The following SESTD1 variants were observed in gnomAD, a reference collection of about 807,000 sequenced individuals.
SESTD1 encodes SEC14 and spectrin domain containing 1, also known as SEC14 domain and spectrin repeat-containing protein 1.
SESTD1 carries 43 observed loss-of-function variants against 101.7 expected under a neutral mutation model. The observed-to-expected ratio is 0.42, with a 90% CI of 0.33 to 0.55. The LOEUF (loss-of-function observed/expected upper bound fraction) is 0.55. Among genes scored for constraint, SESTD1 ranks in the 20% least tolerant of loss-of-function variants. SESTD1 has a pLI of 0.07. For missense variants in SESTD1, 647 were observed against 815.1 expected (o/e 0.79, Z 2.51); for synonymous variants, 283 against 286.8 (o/e 0.99, Z 0.13).
chr2:179,186,102 T>C (rs960637294), intron 2 of SESTD1, among the ~76,000 whole-genome samples: 1 of 149,128 alleles, frequency 6.7e-6, no homozygotes, highest in Non-Finnish European at 1.5e-5. Context: ...TAGGAAAACA[T>C]GTCAATTATA....
intron 1 of SESTD1, among the ~76,000 whole-genome samples, chr2:179,227,011 A>C (rs1380864367): frequency 6.6e-6 from 1 of 152,190 alleles, no homozygotes; most frequent in Admixed American, 6.5e-5. Context: ...CAGAATGTTA[A>C]ATTACATAGT....
chr2:179,135,305 T>A (rs1366871605), intron 9 of SESTD1, among the ~76,000 whole-genome samples: 1 of 152,198 alleles, frequency 6.6e-6, no homozygotes, highest in Non-Finnish European at 1.5e-5. Flanking sequence ...CTTTCCATAT[T>A]TTTTAAAGAT....
intron 1 of SESTD1, among the ~76,000 whole-genome samples, chr2:179,249,965 G>A (rs2047292094): frequency 6.6e-6 from 1 of 150,638 alleles, no homozygotes; most frequent in Non-Finnish European, 1.5e-5. Flanking sequence ...AATGAAAAGT[G>A]AAAAACTGTA....
intron 1 of SESTD1, among the ~76,000 whole-genome samples, chr2:179,261,790 C>G (rs944065897): frequency 6.6e-6 from 1 of 152,058 alleles, no homozygotes; most frequent in African/African-American, 2.4e-5. Flanking sequence ...TAAAACAGTG[C>G]AGCAGCTATG....
intron 5 of SESTD1, among the ~76,000 whole-genome samples, chr2:179,157,272 A>G (rs2045650412): frequency 1.3e-5 from 2 of 152,180 alleles, no homozygotes; most frequent in South Asian, 2.1e-4. Flanking sequence ...AGTAGAATCA[A>G]TATTGTGAAA....
At chr2:179,203,932 T>C (rs966429333) in intron 1 of SESTD1, among the ~76,000 whole-genome samples, 1 of 133,996 alleles carries the variant, frequency 7.5e-6, no homozygotes, top group Non-Finnish European at 1.6e-5. Context: ...ATAAATAAAG[T>C]GAGGACAGTC....
intron 1 of SESTD1, among the ~76,000 whole-genome samples, chr2:179,192,589 A>T (rs559132416): frequency 6.6e-6 from 1 of 152,260 alleles, no homozygotes; most frequent in East Asian, 1.9e-4. Flanking sequence ...TCCAGGGTCT[A>T]CTCAGCCATA....
At chr2:179,151,175 A>G in intron 6 of SESTD1, 103 bp downstream of exon 6, 1 of 768,510 alleles carries the variant, frequency 1.3e-6, no homozygotes, top group Non-Finnish European at 1.9e-6. Context: ...CCATTTTTGT[A>G]AAAAGAAAAA....
chr2:179,232,739 T>C (rs2047005253), intron 1 of SESTD1, among the ~76,000 whole-genome samples: 1 of 152,182 alleles, frequency 6.6e-6, no homozygotes, highest in African/African-American at 2.4e-5. Flanking sequence ...CAGTATATAC[T>C]GTTAAGTCGG....
At chr2:179,229,774 T>TATATATAC (rs1324308376) in intron 1 of SESTD1, among the ~76,000 whole-genome samples, 5 of 115,042 alleles carry the variant, frequency 4.3e-5, no homozygotes, top group African/African-American at 2.0e-4. Context: ...TATATATATA[T>TATATATAC]ACTCAAATAC....
chr2:179,149,405 A>C lies in SESTD1; in HGVS notation c.484-11T>G. 3 of 1,533,138 alleles carry C rather than the reference A, an allele frequency of 2.0e-6. No individual in the cohort carries two copies. Among genetic ancestry groups the C allele is most frequent in the Non-Finnish European group, 2.7e-6 (3 of 1,118,016 alleles). The allele number at this position is 1,533,138 out of a possible 1,614,324, so 95.0% of individuals were successfully genotyped here. On this transcript the variant is annotated splice_polypyrimidine_tract_variant and intron_variant, in intron 6 of 17. Transcript: ENST00000428443. ...AAACTTCTCAAAAACCTACAATATG[A>C]GTTTTATTAACATACTAAGAACAGT...
chr2:179,195,590 G>A (rs896331060), intron 1 of SESTD1, among the ~76,000 whole-genome samples: 1 of 152,194 alleles, frequency 6.6e-6, no homozygotes, highest in Non-Finnish European at 1.5e-5. Flanking sequence ...GCCCTAGCAA[G>A]AAAGCTAATT....
intron 10 of SESTD1, among the ~76,000 whole-genome samples, chr2:179,127,508 G>C (rs757279622): frequency 6.6e-6 from 1 of 152,332 alleles, no homozygotes; most frequent in East Asian, 1.9e-4. Flanking sequence ...CATTAAGTAG[G>C]TAACAGAGGG....
intron 1 of SESTD1, among the ~76,000 whole-genome samples, chr2:179,226,468 C>CTCACTA (rs1255133256): frequency 5.9e-5 from 9 of 152,230 alleles, no homozygotes; most frequent in Admixed American, 2.0e-4. Context: ...CAGTCTCCTT[C>CTCACTA]TCACTATCAC....
At chr2:179,235,600 C>CA (rs975676399) in intron 1 of SESTD1, among the ~76,000 whole-genome samples, 20 of 152,296 alleles carry the variant, frequency 1.3e-4, no homozygotes, top group African/African-American at 4.8e-4. Context: ...TGCAATGGCA[C>CA]ATAGCCTGCT....
chr2:179,198,493 AG>A (rs1208505652), intron 1 of SESTD1, among the ~76,000 whole-genome samples: 1 of 152,214 alleles, frequency 6.6e-6, no homozygotes, highest in East Asian at 1.9e-4. Flanking sequence ...CCAAATCAAC[AG>A]AATATACATT....
At chr2:179,125,294 A>G (rs954169308) in intron 10 of SESTD1, among the ~76,000 whole-genome samples, 4 of 152,106 alleles carry the variant, frequency 2.6e-5, no homozygotes, top group Non-Finnish European at 5.9e-5. Context: ...CCACCAATCT[A>G]CTGACCTCTC....
intron 16 of SESTD1, among the ~76,000 whole-genome samples, chr2:179,113,865 C>CAAA (rs778424702): frequency 2.4e-4 from 22 of 90,472 alleles, no homozygotes; most frequent in African/African-American, 5.4e-4. Context: ...GACTCTGTCT[C>CAAA]AAAAAAAAAA....
rs770684461 is a variant in SESTD1 at position 179,215,853 on chromosome 2, C to G, written c.-25-23987G>C. Among the ~76,000 whole-genome samples, 9 of 134,922 alleles carry G rather than the reference C, an allele frequency of 6.7e-5. 2 individuals carry two copies. Among genetic ancestry groups the G allele is most frequent in the Non-Finnish European group, 1.3e-4 (8 of 62,766 alleles). The allele number at this position is 134,922 out of a possible 152,430, so 88.5% of individuals were successfully genotyped here. ...GGTTCATCATATGCAAATCAATAAA[C>G]GTAATCCATCACATAAACAGTACCA... On this transcript the variant is annotated intron_variant, in intron 1 of 17. Transcript: ENST00000428443.
Sources: gnomAD v4.1 joint callset for allele counts (sites outside exome capture counted in the v4.1 genomes callset) on GRCh38, gnomAD v4.1.1 for gene constraint, MANE v1.5 for transcripts, NCBI Gene and HGNC (gene_info 2026-07-23, HGNC 2026-07-21) for gene names.